The following ZNF776 variants were observed in gnomAD, a reference collection of about 807,000 sequenced individuals.
ZNF776 encodes zinc finger protein 776.
Under a neutral mutation model 7.0 loss-of-function variants are expected in ZNF776, and 4 were observed. The observed-to-expected ratio is 0.57, with a 90% CI of 0.28 to 1.31. ZNF776 has a LOEUF of 1.31. ZNF776 is among the 50% of genes most tolerant of loss of function. ZNF776 has a pLI of 0.10. For synonymous variants in ZNF776, 212 were observed against 213.7 expected, an observed-to-expected ratio of 0.99 and a Z score of 0.07; for missense variants, 555 against 625.9, an observed-to-expected ratio of 0.89 and a Z score of 1.21.
At position 57,755,538 on chromosome 19, in the gene ZNF776, CT is replaced by C. The variant is rs1260883176; in HGVS notation, c.*854del. ...GAGCATTTGCGAGGGCTTCACTCTTCTTTCACTGGATACCAGAATGTTGACA... is the reference window on the plus strand; with the variant it reads ...GAGCATTTGCGAGGGCTTCACTCTTCTTCACTGGATACCAGAATGTTGACA... On this transcript the variant is annotated 3_prime_UTR_variant, in exon 3 of 3. Coordinates refer to ENST00000317178, the MANE Select transcript of ZNF776 (RefSeq NM_173632.4). 2 of 152,200 alleles carry C rather than the reference CT, an allele frequency of 1.3e-5. No individual in the cohort carries two copies. Among genetic ancestry groups the C allele is most frequent in the Non-Finnish European group, 2.9e-5 (2 of 68,044 alleles). 9.4% of individuals were successfully genotyped at this position (152,200 alleles called of 1,614,324 possible).
rs1986775265 is a variant in ZNF776 at position 57,756,302 on chromosome 19, T to G, written c.*1615T>G. The G allele has an allele frequency of 6.6e-6, 1 of 152,202 alleles. No homozygotes were observed. Among genetic ancestry groups the G allele is most frequent in the Non-Finnish European group, 1.5e-5 (1 of 68,038 alleles). 9.4% of individuals were successfully genotyped at this position (152,202 alleles called of 1,614,324 possible). On this transcript the variant is annotated 3_prime_UTR_variant, in exon 3 of 3. Coordinates refer to ENST00000317178, the MANE Select transcript of ZNF776 (RefSeq NM_173632.4). Reference sequence around the variant, plus strand: ...TTAACTCACCAACCCAAGTACAAGCTGCCTCTCATTGTTCTGGTTTCTGCT... The same window carrying G: ...TTAACTCACCAACCCAAGTACAAGCGGCCTCTCATTGTTCTGGTTTCTGCT...
intron 1 of ZNF776, among the ~76,000 whole-genome samples, chr19:57,748,954 TA>T (rs780911483): frequency 4.3e-4 from 66 of 151,966 alleles, no homozygotes; most frequent in Non-Finnish European, 8.4e-4. Flanking sequence ...TTAAATGGAT[TA>T]AAAACAGGAC....
In ZNF776 at chr19:57,753,981, G is replaced by T; in HGVS notation, c.851G>T (p.Arg284Ile). 1 of 1,614,250 alleles carries T rather than the reference G, an allele frequency of 6.2e-7. No individual in the cohort carries two copies. The highest frequency in any genetic ancestry group is 8.5e-7 in the Non-Finnish European group (1 of 1,180,044). Residue 284 changes from arginine to isoleucine, a missense_variant, in exon 3 of 3, where the codon AGA (arginine) becomes ATA (isoleucine). Transcript: ENST00000317178. Reference sequence around the variant, plus strand: ...AAGGCCCACCTCACTGAACACCAGAGAGTTCACACTGGAGAAAGACCTTAT... The same window carrying T: ...AAGGCCCACCTCACTGAACACCAGATAGTTCACACTGGAGAAAGACCTTAT... ...WYKAHLTEHQRVHTGERPYEC... is the reference protein window; with the variant it reads ...WYKAHLTEHQIVHTGERPYEC...
rs1333057661 is a variant in ZNF776, at chr19:57,747,009, C to T, written c.-50C>T. On this transcript the variant is annotated 5_prime_UTR_variant, in exon 1 of 3. Transcript: ENST00000317178. ...GGATCGGGACCACCGTGCCCGGGTACCTGCACTGCTCGCCCCCTCCTTTCG... is the reference window on the plus strand; with the variant it reads ...GGATCGGGACCACCGTGCCCGGGTATCTGCACTGCTCGCCCCCTCCTTTCG... 9.1e-6 allele frequency: 14 copies of T among 1,536,084 alleles called. No homozygotes were observed. Among genetic ancestry groups the T allele is most frequent in the Non-Finnish European group, 1.1e-5 (12 of 1,136,328 alleles).
At chr19:57,748,470 A>G (rs972491852) in intron 1 of ZNF776, among the ~76,000 whole-genome samples, 1 of 152,216 alleles carries the variant, frequency 6.6e-6, no homozygotes, top group Non-Finnish European at 1.5e-5. Context: ...GTATCTGGAA[A>G]GGGATTGACA....
Position 57,754,471 on chromosome 19 carries a change from C to A in ZNF776, c.1341C>A (p.Leu447=). The A allele has an allele frequency of 6.2e-7, 1 of 1,614,124 alleles. No homozygotes were observed. Among genetic ancestry groups the A allele is most frequent in the Non-Finnish European group, 8.5e-7 (1 of 1,180,004 alleles). ...AATGTTTTCATCAAAAGGGCAGTCTCATTCAACATCAGCAGATCCACTCTG... is the reference window on the plus strand; with the variant it reads ...AATGTTTTCATCAAAAGGGCAGTCTAATTCAACATCAGCAGATCCACTCTG... ...CGKCFHQKGS[L]IQHQQIHSGE... Residue 447 remains leucine, a synonymous_variant, in exon 3 of 3, where the codon CTC becomes CTA. Coordinates refer to ENST00000317178, the MANE Select transcript of ZNF776 (RefSeq NM_173632.4).
chr19:57,750,863 C>G lies in ZNF776; in HGVS notation c.112C>G (p.Leu38Val), dbSNP rs1986581040. Residue 38 changes from leucine to valine, a missense_variant, in exon 2 of 3, where the codon CTT becomes GTT. Transcript: ENST00000317178. Reference protein sequence around the residue: ...WSLLSEAQRCLYHDVMLENLT... With the variant: ...WSLLSEAQRCVYHDVMLENLT... ...TCTCCTTAGTGAGGCTCAGAGATGC[C>G]TTTATCATGACGTGATGCTGGAGAA... 1 of 1,613,114 alleles carries G rather than the reference C, an allele frequency of 6.2e-7. No individual in the cohort carries two copies.
In ZNF776 at chr19:57,756,677, T is replaced by G. The variant is rs918085937; in HGVS notation, c.*1990T>G. On this transcript the variant is annotated 3_prime_UTR_variant, in exon 3 of 3. Transcript: ENST00000317178. ...GGACAGTTTTAGTGACACACTTTGG[T>G]GCTTCTGAGAACAGCACAAAATTAT... is the stretch of plus-strand genomic sequence containing the variant. 1 of 184,694 alleles carries G rather than the reference T, an allele frequency of 5.4e-6. No individual in the cohort carries two copies. Among genetic ancestry groups the G allele is most frequent in the African/African-American group, 2.4e-5 (1 of 41,950 alleles). 11.4% of individuals were successfully genotyped at this position (184,694 alleles called of 1,614,324 possible). A position where few individuals can be genotyped will look rare whatever the true frequency, so the allele number is the denominator to read the frequency against.
chr19:57,751,091 CT>C (rs1300907883), intron 2 of ZNF776, among the ~76,000 whole-genome samples, 180 bp downstream of exon 2: 5 of 152,114 alleles, frequency 3.3e-5, no homozygotes, highest in African/African-American at 1.2e-4. Flanking sequence ...CCTCTCTCTC[CT>C]TGAGCAGCCC....
In ZNF776 at chr19:57,754,723, C is replaced by T. The variant is rs1288746652; in HGVS notation, c.*36C>T. On this transcript the variant is annotated 3_prime_UTR_variant, in exon 3 of 3. Transcript: ENST00000317178. Reference sequence around the variant, plus strand: ...GATCTGTTGGTAAAAAGAGCACCCTCATTCAACATTCGTGAGATCACACTG... The same window carrying T: ...GATCTGTTGGTAAAAAGAGCACCCTTATTCAACATTCGTGAGATCACACTG... 1 of 1,581,020 alleles carries T rather than the reference C, an allele frequency of 6.3e-7. No homozygotes were observed. Among genetic ancestry groups the T allele is most frequent in the Admixed American group, 1.7e-5 (1 of 58,038 alleles).
chr19:57,753,403 C>A lies in ZNF776; in HGVS notation c.273C>A (p.Leu91=). ...GTGTATGTACCAAGAAGGTCCACCT[C>A]TGGGGAATGTGTGGCCCTCTCCTGG... ...WTGVCTKKVH[L]WGMCGPLLGD... Residue 91 remains leucine (L), a synonymous_variant, in exon 3 of 3, where the codon CTC becomes CTA. Transcript: ENST00000317178. 1 of 1,614,226 alleles carries A rather than the reference C, an allele frequency of 6.2e-7. No individual in the cohort carries two copies. The highest frequency in any genetic ancestry group is 8.5e-7 in the Non-Finnish European group (1 of 1,180,044).
At chr19:57,751,869 T>TG (rs1986615417) in intron 2 of ZNF776, among the ~76,000 whole-genome samples, 2 of 20,832 alleles carry the variant, frequency 9.6e-5, no homozygotes, top group African/African-American at 8.1e-4. Context: ...TTTGGTTTTG[T>TG]TTTTTTTTTT....
intron 1 of ZNF776, among the ~76,000 whole-genome samples, chr19:57,748,695 G>A (rs997149477): frequency 2.0e-5 from 3 of 152,152 alleles, no homozygotes; most frequent in Non-Finnish European, 4.4e-5. Context: ...GACCATGATG[G>A]TAGGGTATAC....
chr19:57,748,137 T>G (rs1198075435), intron 1 of ZNF776, among the ~76,000 whole-genome samples: 1 of 151,930 alleles, frequency 6.6e-6, no homozygotes, highest in African/African-American at 2.4e-5. Context: ...AAGATGAGAG[T>G]TGAGGCTTTT....
At position 57,756,200 on chromosome 19, in the gene ZNF776, A is replaced by C. The variant is rs994337992; in HGVS notation, c.*1513A>C. On this transcript the variant is annotated 3_prime_UTR_variant, in exon 3 of 3. Coordinates refer to ENST00000317178, the MANE Select transcript of ZNF776 (RefSeq NM_173632.4). ...CAGCTTGGCCTAGAGAATTTTTCTG[A>C]TTACTTGACAAGATGGGCTGTCTTT... 1.3e-5 allele frequency: 2 copies of C among 152,216 alleles called. No homozygotes were observed. Among genetic ancestry groups the C allele is most frequent in the East Asian group, 3.9e-4 (2 of 5,178 alleles). The allele number at this position is 152,216 out of a possible 1,614,324, so 9.4% of individuals were successfully genotyped here. A position where few individuals can be genotyped will look rare whatever the true frequency, so the allele number is the denominator to read the frequency against.
Position 57,747,074 on chromosome 19 carries a change from C to T in ZNF776, c.16C>T (p.Leu6=), listed in dbSNP as rs377604446. The change falls in exon 1 of 3, where the codon CTG becomes TTG. Residue 6 remains leucine (L), a synonymous_variant. Transcript: ENST00000317178. ...ACCCAGTCGGATGGCGGCGGCCGCGCTGAGGCCCCCGGCTCAGGTAATTGT... is the reference window on the plus strand; with the variant it reads ...ACCCAGTCGGATGGCGGCGGCCGCGTTGAGGCCCCCGGCTCAGGTAATTGT... The part of the protein sequence containing the change: MAAAA[L]RPPAQGTVTF... 7.5e-5 allele frequency: 120 copies of T among 1,590,502 alleles called. No individual in the cohort carries two copies. Among genetic ancestry groups the T allele is most frequent in the Non-Finnish European group, 1.0e-4 (119 of 1,168,744 alleles).
chr19:57,750,359 T>C (rs1043850076), intron 1 of ZNF776, among the ~76,000 whole-genome samples: 1 of 149,526 alleles, frequency 6.7e-6, no homozygotes, highest in African/African-American at 2.5e-5. Flanking sequence ...TCGAGCCCAG[T>C]AGACAGAGGT....
Position 57,747,021 on chromosome 19 carries a change from G to A in ZNF776, c.-38G>A. On this transcript the variant is annotated 5_prime_UTR_variant, in exon 1 of 3. Transcript: ENST00000317178. ...CCGTGCCCGGGTACCTGCACTGCTCGCCCCCTCCTTTCGACCCCGCTTTCC... is the reference window on the plus strand; with the variant it reads ...CCGTGCCCGGGTACCTGCACTGCTCACCCCCTCCTTTCGACCCCGCTTTCC... The A allele has an allele frequency of 6.4e-7, 1 of 1,553,332 alleles. No homozygotes were observed. The highest frequency in any genetic ancestry group is 1.2e-5 in the South Asian group (1 of 83,822).
rs1986576928 is a variant in ZNF776, at chr19:57,750,789, C to T, written c.38C>T (p.Thr13Ile). 1.2e-6 allele frequency: 2 copies of T among 1,611,606 alleles called. No individual in the cohort carries two copies. Among genetic ancestry groups the T allele is most frequent in the Non-Finnish European group, 1.7e-6 (2 of 1,178,552 alleles). ...AAALRPPAQG[T>I]VTFEDVAVNF... ...CATCTGTCATCATCACGGCAGGGCA[C>T]TGTGACCTTTGAAGATGTGGCTGTG... Residue 13 changes from threonine (T) to isoleucine (I), a missense_variant, in exon 2 of 3, where the codon ACT becomes ATT. Physicochemically the swap from Thr to Ile is moderately conservative, Grantham distance 89 (BLOSUM62 -1). Coordinates refer to ENST00000317178, the MANE Select transcript of ZNF776 (RefSeq NM_173632.4).
Sources: gnomAD v4.1 joint callset for allele counts (sites outside exome capture counted in the v4.1 genomes callset) on GRCh38, gnomAD v4.1.1 for gene constraint, MANE v1.5 for transcripts, NCBI Gene and HGNC (gene_info 2026-07-23, HGNC 2026-07-21) for gene names.